The following KCTD16 variants were observed in gnomAD, a reference collection of about 807,000 sequenced individuals.
The protein encoded by KCTD16 is potassium channel tetramerization domain containing 16, also known as BTB/POZ domain-containing protein KCTD16.
KCTD16 carries 13 observed loss-of-function variants against 33.2 expected under a neutral mutation model. The ratio of observed to expected loss-of-function variants is 0.39; its 90% CI spans 0.25 to 0.62. The LOEUF is 0.62. KCTD16 is among the 20% of genes least tolerant of loss of function. The probability of loss-of-function intolerance (pLI) is 0.50; values close to 1 mark genes in which losing one functional copy is unlikely to be tolerated. For missense variants in KCTD16, 441 were observed against 525.1 expected, an observed-to-expected ratio of 0.84 and a Z score of 1.57; for synonymous variants, 197 against 195.3, an observed-to-expected ratio of 1.01 and a Z score of -0.07.
At chr5:144,295,340 C>A (rs981532586) in intron 3 of KCTD16, among the ~76,000 whole-genome samples, 1 of 152,244 alleles carries the variant, frequency 6.6e-6, no homozygotes. Flanking sequence ...GAAACAAATT[C>A]TGAGAAAAGA....
intron 3 of KCTD16, among the ~76,000 whole-genome samples, chr5:144,313,920 G>A (rs79669885): frequency 0.022 from 3,313 of 152,176 alleles, 111 homozygotes; most frequent in African/African-American, 0.074. Flanking sequence ...TCTGGATTTA[G>A]TATATATTAT....
chr5:144,267,058 T>A (rs1357796582), intron 3 of KCTD16, among the ~76,000 whole-genome samples: 2 of 152,232 alleles, frequency 1.3e-5, no homozygotes. Flanking sequence ...AAATTAAATC[T>A]TCTGGTCATG....
intron 3 of KCTD16, among the ~76,000 whole-genome samples, chr5:144,323,646 CAA>C (rs1752131856): frequency 6.6e-6 from 1 of 152,138 alleles, no homozygotes. Flanking sequence ...CCTCATTGCA[CAA>C]AAAGAGTTGT....
chr5:144,250,013 A>G (rs1208526812), intron 3 of KCTD16, among the ~76,000 whole-genome samples: 1 of 152,202 alleles, frequency 6.6e-6, no homozygotes, highest in Non-Finnish European at 1.5e-5. Flanking sequence ...AGATTTATTA[A>G]TATCTTCTGA....
In KCTD16 at chr5:144,322,727, TA is replaced by T. The variant is rs74273623; in HGVS notation, c.832+115195del. On this transcript the variant is annotated intron_variant, in intron 3 of 3. Transcript: ENST00000512467. ...AACAACAAAAGGACATAAACTTTAT[TA>T]AAAAAAAAAAAAACAAAAACTTCTG... 6.6e-3 allele frequency among the ~76,000 whole-genome samples: 889 copies of T among 134,444 alleles called. 5 individuals are homozygous for T. The highest frequency in any genetic ancestry group is 0.018 in the African/African-American group (662 of 35,914). The allele number at this position is 134,444 out of a possible 152,430, so 88.2% of individuals were successfully genotyped here.
At chr5:144,354,423 C>T (rs764392422) in intron 3 of KCTD16, among the ~76,000 whole-genome samples, 24 of 152,316 alleles carry the variant, frequency 1.6e-4, no homozygotes, top group African/African-American at 5.1e-4. Flanking sequence ...ACATTTTCAA[C>T]GACTTCGTAT....
chr5:144,403,286 G>A (rs1280304141), intron 3 of KCTD16, among the ~76,000 whole-genome samples: 3 of 152,210 alleles, frequency 2.0e-5, no homozygotes, highest in Admixed American at 1.3e-4. Context: ...TTTGGAAATA[G>A]CATCTTTGTA....
chr5:144,388,271 C>T (rs545802165), intron 3 of KCTD16, among the ~76,000 whole-genome samples: 25 of 151,534 alleles, frequency 1.6e-4, no homozygotes, highest in African/African-American at 6.1e-4. Context: ...TTAGTAGAGA[C>T]GGGGTTTCAC....
At chr5:144,460,844 G>T (rs1044819401) in intron 3 of KCTD16, among the ~76,000 whole-genome samples, 9 of 152,142 alleles carry the variant, frequency 5.9e-5, no homozygotes, top group African/African-American at 1.9e-4. Flanking sequence ...CTTAGTGAAT[G>T]AATGTGAAGA....
chr5:144,262,741 T>A (rs1265585712), intron 3 of KCTD16, among the ~76,000 whole-genome samples: 1 of 152,244 alleles, frequency 6.6e-6, no homozygotes, highest in African/African-American at 2.4e-5. Flanking sequence ...CATGCCCTAC[T>A]CATTTAGAAA....
rs570438098 is a variant in KCTD16, at chr5:144,410,360, A to G, written c.833-63300A>G. 2.0e-5 allele frequency among the ~76,000 whole-genome samples: 3 copies of G among 152,356 alleles called. No individual in the cohort carries two copies. The South Asian group carries it at 6.2e-4, about 32-fold the overall frequency. On this transcript the variant is annotated intron_variant, in intron 3 of 3. Coordinates refer to ENST00000512467, the MANE Select transcript of KCTD16 (RefSeq NM_020768.4). ...TATATTAAATCTATTTCTGTAGAAG[A>G]TATAGAAAACATTAGTACTGCTTTG...
intron 3 of KCTD16, among the ~76,000 whole-genome samples, chr5:144,373,730 G>T (rs552932356): frequency 2.0e-5 from 3 of 152,206 alleles, no homozygotes; most frequent in Non-Finnish European, 4.4e-5. Context: ...TATTCCAGAT[G>T]TGAAGTTACT....
At position 144,299,801 on chromosome 5, in the gene KCTD16, C is replaced by T. The variant is rs114373555; in HGVS notation, c.832+92255C>T. On this transcript the variant is annotated intron_variant, in intron 3 of 3. Coordinates refer to ENST00000512467, the MANE Select transcript of KCTD16 (RefSeq NM_020768.4). ...TTTATGGAGGGTAAAATTGGAAAAC[C>T]TGTAATTAAGTATGAATAACCTTAC... is the stretch of plus-strand genomic sequence containing the variant. Among the ~76,000 whole-genome samples, 1,489 of 150,928 alleles carry T rather than the reference C, an allele frequency of 9.9e-3. 21 individuals carry two copies. The highest frequency in any genetic ancestry group is 0.034 in the African/African-American group (1,400 of 40,998).
intron 3 of KCTD16, among the ~76,000 whole-genome samples, chr5:144,219,570 G>A (rs1753674291): frequency 7.1e-6 from 1 of 141,058 alleles, no homozygotes; most frequent in Non-Finnish European, 1.5e-5. Flanking sequence ...TCGCAGGCTG[G>A]AGTGCAATGG....
chr5:144,242,226 C>T (rs2126822608), intron 3 of KCTD16, among the ~76,000 whole-genome samples: 1 of 151,814 alleles, frequency 6.6e-6, no homozygotes, highest in East Asian at 1.9e-4. Context: ...TATCTAGGGG[C>T]CATGTACTGA....
chr5:144,388,178 C>T (rs866953683), intron 3 of KCTD16, among the ~76,000 whole-genome samples: 37 of 142,228 alleles, frequency 2.6e-4, no homozygotes, highest in Admixed American at 4.6e-4. Flanking sequence ...CTCCCGGGTT[C>T]ACGCCATTCT....
intron 3 of KCTD16, among the ~76,000 whole-genome samples, chr5:144,461,331 C>T (rs1554096193): frequency 6.6e-6 from 1 of 152,092 alleles, no homozygotes; most frequent in Non-Finnish European, 1.5e-5. Flanking sequence ...CTTCCCATAC[C>T]CCCACTTCCC....
At chr5:144,175,465 G>C (rs1028125004) in intron 2 of KCTD16, among the ~76,000 whole-genome samples, 1 of 152,122 alleles carries the variant, frequency 6.6e-6, no homozygotes, top group Non-Finnish European at 1.5e-5. Context: ...CTAGACATTT[G>C]ATAATTGCAT....
intron 3 of KCTD16, among the ~76,000 whole-genome samples, chr5:144,324,099 G>T (rs1002445985): frequency 2.6e-5 from 4 of 152,092 alleles, no homozygotes; most frequent in African/African-American, 9.7e-5. Flanking sequence ...CCCATTGCTT[G>T]AAATGTGGGA....
Sources: allele counts gnomAD v4.1 joint callset (sites outside exome capture counted in the v4.1 genomes callset), GRCh38; gene constraint gnomAD v4.1.1; transcripts MANE v1.5; gene names NCBI Gene and HGNC (gene_info 2026-07-23, HGNC 2026-07-21).